Variants in GPM6A observed in about 807,000 individuals in gnomAD.
GPM6A encodes glycoprotein M6A.
In GPM6A, 7 loss-of-function variants were observed where a neutral mutation model predicts 32.1. That is an observed-to-expected ratio of 0.22 (90% confidence interval 0.12 to 0.41). GPM6A has a LOEUF of 0.41. Ranked by LOEUF, GPM6A falls within the 10% of genes least tolerant of loss-of-function variation. The probability of loss-of-function intolerance (pLI) is 1.00; values close to 1 mark genes in which losing one functional copy is unlikely to be tolerated. For synonymous variants in GPM6A, 130 were observed against 123.4 expected, an observed-to-expected ratio of 1.05 and a Z score of -0.35; for missense variants, 235 against 347.2, an observed-to-expected ratio of 0.68 and a Z score of 2.57.
chr4:175,900,334 AAAG>A (rs1257470171), intron 1 of GPM6A, among the ~76,000 whole-genome samples: 9 of 146,102 alleles, frequency 6.2e-5, no homozygotes, highest in South Asian at 2.2e-4. Context: ...AAAGGAAAGG[AAAG>A]GAAAGGAAAG....
At chr4:175,661,434 C>CAA (rs3032612) in intron 3 of GPM6A, among the ~76,000 whole-genome samples, 8 of 111,844 alleles carry the variant, frequency 7.2e-5, no homozygotes, top group African/African-American at 2.9e-4. Flanking sequence ...GACTCTGTCT[C>CAA]AAAAAAAAAA....
intron 1 of GPM6A, among the ~76,000 whole-genome samples, chr4:175,717,951 C>G (rs1030587412): frequency 1.3e-5 from 2 of 152,096 alleles, no homozygotes; most frequent in Non-Finnish European, 2.9e-5. Context: ...TAACTTTAAA[C>G]AGTATATAAA....
intron 1 of GPM6A, among the ~76,000 whole-genome samples, chr4:175,703,452 T>C (rs936059243): frequency 6.6e-6 from 1 of 152,218 alleles, no homozygotes; most frequent in Non-Finnish European, 1.5e-5. Context: ...ATTATAAGCA[T>C]GAGCCACCAC....
intron 1 of GPM6A, among the ~76,000 whole-genome samples, chr4:175,931,709 C>CATAT (rs3034786): frequency 6.0e-4 from 78 of 129,270 alleles, no homozygotes; most frequent in South Asian, 1.9e-3. Context: ...CACACACACA[C>CATAT]ATATATATAT....
chr4:175,860,112 A>G lies in GPM6A; in HGVS notation c.-22-47863T>C, dbSNP rs371165346. ...AAAAAAGAAGAAAGATCTAAAATAA[A>G]TAAACTAAGCTGTTGTCTTGAGACA... On this transcript the variant is annotated intron_variant, in intron 1 of 7. Coordinates refer to the GPM6A transcript ENST00000280187. Among the ~76,000 whole-genome samples, 6 of 151,974 alleles carry G rather than the reference A, an allele frequency of 3.9e-5. No individual in the cohort carries two copies. In the South Asian group the frequency reaches 1.0e-3, roughly 26 times the overall value.
chr4:175,726,684 C>G (rs1462707407), intron 1 of GPM6A, among the ~76,000 whole-genome samples: 1 of 152,102 alleles, frequency 6.6e-6, no homozygotes, highest in Admixed American at 6.6e-5. Flanking sequence ...CTAAAAGACA[C>G]AAAAACTAAA....
intron 6 of GPM6A, among the ~76,000 whole-genome samples, chr4:175,636,572 G>A (rs546585798): frequency 1.0e-4 from 15 of 150,344 alleles, no homozygotes; most frequent in African/African-American, 3.6e-4. Flanking sequence ...AAGGCGGGTT[G>A]ATCACTTGAG....
At chr4:175,896,470 T>A (rs1278169905) in intron 1 of GPM6A, among the ~76,000 whole-genome samples, 1 of 152,190 alleles carries the variant, frequency 6.6e-6, no homozygotes, top group South Asian at 2.1e-4. Context: ...CTGCCCCCTT[T>A]GAAGCCTTAA....
At chr4:175,903,586 G>A (rs1396102809) in intron 1 of GPM6A, among the ~76,000 whole-genome samples, 8 of 152,138 alleles carry the variant, frequency 5.3e-5, no homozygotes, top group Admixed American at 3.3e-4. Context: ...ACAACAACGT[G>A]CCTCCTGATG....
At chr4:175,638,100 G>A (rs914164069) in intron 6 of GPM6A, among the ~76,000 whole-genome samples, 9 of 149,958 alleles carry the variant, frequency 6.0e-5, no homozygotes, top group Non-Finnish European at 1.3e-4. Flanking sequence ...CAGCATGTAG[G>A]ACTTCCTAAC....
At chr4:175,960,108 A>G (rs1429332234) in intron 1 of GPM6A, among the ~76,000 whole-genome samples, 1 of 152,188 alleles carries the variant, frequency 6.6e-6, no homozygotes, top group African/African-American at 2.4e-5. Flanking sequence ...CAAATATTCT[A>G]CTTTGGAATT....
At chr4:175,703,004 CA>C (rs1420027839) in intron 1 of GPM6A, among the ~76,000 whole-genome samples, 1 of 151,936 alleles carries the variant, frequency 6.6e-6, no homozygotes, top group African/African-American at 2.4e-5. Flanking sequence ...TGGTTTTTGC[CA>C]AATTTATTCT....
chr4:175,710,514 G>A lies in GPM6A; in HGVS notation c.38-8747C>T, dbSNP rs530719775. On this transcript the variant is annotated intron_variant, in intron 1 of 6. Coordinates refer to ENST00000393658, the MANE Select transcript of GPM6A (RefSeq NM_201591.3). ...TGAAAGCTTTTTAAATCTTCTGTAT[G>A]TTATCTGTTTGTATATTTATTGCAT... Among the ~76,000 whole-genome samples, 9 of 150,956 alleles carry A rather than the reference G, an allele frequency of 6.0e-5. No individual in the cohort carries two copies. In the East Asian group the frequency reaches 1.8e-3, roughly 30 times the overall value.
intron 3 of GPM6A, among the ~76,000 whole-genome samples, chr4:175,653,625 T>C (rs1049455996): frequency 6.6e-6 from 1 of 152,148 alleles, no homozygotes. Flanking sequence ...TTTTTTAAAA[T>C]AATATCAAAG....
At chr4:175,992,918 A>C (rs1402224589) in intron 1 of GPM6A, among the ~76,000 whole-genome samples, 1 of 152,204 alleles carries the variant, frequency 6.6e-6, no homozygotes, top group African/African-American at 2.4e-5. Context: ...CAGTTTGTTT[A>C]ACTTTTAAAG....
At chr4:175,877,473 C>T (rs568635105) in intron 1 of GPM6A, among the ~76,000 whole-genome samples, 34 of 152,154 alleles carry the variant, frequency 2.2e-4, no homozygotes, top group African/African-American at 6.7e-4. Context: ...TCATGGCTGG[C>T]GAGGCCTCAA....
At chr4:175,820,383 T>C (rs987626132) in intron 1 of GPM6A, among the ~76,000 whole-genome samples, 3 of 152,136 alleles carry the variant, frequency 2.0e-5, no homozygotes, top group Non-Finnish European at 4.4e-5. Flanking sequence ...TTTATTCCTG[T>C]ATGTTGTCCT....
upstream of GPM6A, among the ~76,000 whole-genome samples, chr4:175,813,480 C>T (rs1236625615): frequency 6.6e-6 from 1 of 152,010 alleles, no homozygotes; most frequent in Non-Finnish European, 1.5e-5. Context: ...GGATCCTTGC[C>T]TCTGTCTTCA....
intron 1 of GPM6A, among the ~76,000 whole-genome samples, chr4:175,773,332 T>G (rs776224517): frequency 6.6e-6 from 1 of 152,208 alleles, no homozygotes; most frequent in Non-Finnish European, 1.5e-5. Flanking sequence ...AACGATCACA[T>G]GCTTAGCTCT....
Sources: gnomAD v4.1 joint callset for allele counts (sites outside exome capture counted in the v4.1 genomes callset) on GRCh38, gnomAD v4.1.1 for gene constraint, MANE v1.5 for transcripts, NCBI Gene and HGNC (gene_info 2026-07-23, HGNC 2026-07-21) for gene names.